Variants in KATNAL2 observed in about 807,000 individuals in gnomAD.
KATNAL2 encodes the protein katanin p60 ATPase-containing subunit A-like 2.
In KATNAL2, 52 loss-of-function variants were observed where a neutral mutation model predicts 76.3. The ratio of observed to expected loss-of-function variants is 0.68; its 90% CI spans 0.55 to 0.86. The LOEUF is 0.86. Among genes scored for constraint, KATNAL2 ranks in the 40% least tolerant of loss-of-function variants. KATNAL2 has a pLI of 0.00. For synonymous variants in KATNAL2, 243 were observed against 244.2 expected (o/e 1.00, Z 0.05); for missense variants, 660 against 668.9 (o/e 0.99, Z 0.15).
chr18:47,079,539 C>A (rs1018100030), intron 15 of KATNAL2, among the ~76,000 whole-genome samples: 4 of 151,994 alleles, frequency 2.6e-5, no homozygotes, highest in South Asian at 2.1e-4. Flanking sequence ...GGACTACAGG[C>A]GCCTGCCACC....
chr18:47,046,509 A>G lies in KATNAL2; in HGVS notation c.104A>G (p.His35Arg). ...RRKNLLILISHYLTQEGYIDT... is the reference protein window; with the variant it reads ...RRKNLLILISRYLTQEGYIDT... ...AAAAATCTTCTCATTTTGATTTCGC[A>G]TTATTTAACACAAGAAGGGTATGTT... Residue 35 changes from histidine (H) to arginine (R), a missense_variant, in exon 4 of 18, where the codon CAT becomes CGT. By Grantham distance (29) the His-to-Arg change is conservative. Coordinates refer to ENST00000683218, the MANE Select transcript of KATNAL2 (RefSeq NM_001387690.1). 8 of 1,535,396 alleles carry G rather than the reference A, an allele frequency of 5.2e-6. No individual in the cohort carries two copies. Among genetic ancestry groups the G allele is most frequent in the Non-Finnish European group, 7.0e-6 (8 of 1,146,270 alleles).
At chr18:47,053,123 T>C in intron 5 of KATNAL2, 77 bp downstream of exon 5, 1 of 1,243,338 alleles carries the variant, frequency 8.0e-7, no homozygotes, top group Non-Finnish European at 1.1e-6. Context: ...TATTCCCAGA[T>C]AGATGGAGAC....
chr18:47,033,774 G>A, intron 3 of KATNAL2: 1 of 1,614,218 alleles, frequency 6.2e-7, no homozygotes, highest in Non-Finnish European at 8.5e-7. Context: ...CTTCCTCCCG[G>A]AACTTTGGTG....
intron 8 of KATNAL2, among the ~76,000 whole-genome samples, chr18:47,061,598 C>G (rs992860952): frequency 1.3e-5 from 2 of 152,180 alleles, no homozygotes; most frequent in African/African-American, 4.8e-5. Flanking sequence ...AGGACACCCT[C>G]CCTGCAAATT....
intron 7 of KATNAL2, among the ~76,000 whole-genome samples, chr18:47,058,807 C>T (rs1444754488): frequency 6.6e-6 from 1 of 152,154 alleles, no homozygotes; most frequent in East Asian, 1.9e-4. Flanking sequence ...GTCTCAAGGT[C>T]TCCTGTTGGG....
At chr18:47,082,233 A>C (rs1354908760) in intron 15 of KATNAL2, among the ~76,000 whole-genome samples, 3 of 152,210 alleles carry the variant, frequency 2.0e-5, no homozygotes, top group South Asian at 4.1e-4. Context: ...AGGCCAGATA[A>C]TTCTTTGTGG....
intron 15 of KATNAL2, among the ~76,000 whole-genome samples, chr18:47,078,877 G>T (rs145508537): frequency 6.6e-6 from 1 of 152,302 alleles, no homozygotes; most frequent in Non-Finnish European, 1.5e-5. Flanking sequence ...CCAAAAATTT[G>T]CTTCTCAATG....
intron 15 of KATNAL2, chr18:47,098,495 A>G (rs1440572082): frequency 6.2e-6 from 1 of 160,540 alleles, no homozygotes; most frequent in Non-Finnish European, 1.4e-5. Flanking sequence ...TCACGATTCA[A>G]ATTATCTCCT....
At chr18:47,034,095 A>G in intron 3 of KATNAL2, 1 of 1,614,152 alleles carries the variant, frequency 6.2e-7, no homozygotes, top group Non-Finnish European at 8.5e-7. Flanking sequence ...TCCGCAACTG[A>G]TCGTAGGTGA....
intron 13 of KATNAL2, among the ~76,000 whole-genome samples, chr18:47,071,241 C>T (rs2087788507): frequency 6.6e-6 from 1 of 152,154 alleles, no homozygotes; most frequent in African/African-American, 2.4e-5. Context: ...CTCAAGCAAT[C>T]CTCCCGCCTC....
At chr18:47,034,656 G>A (rs1240548288) in intron 3 of KATNAL2, 4 of 1,613,696 alleles carry the variant, frequency 2.5e-6, no homozygotes, top group East Asian at 2.2e-5. Flanking sequence ...GCAGAGGCCC[G>A]CCCTGAGCCG....
chr18:46,942,085 G>A (rs941534224), intron 1 of KATNAL2, among the ~76,000 whole-genome samples: 5 of 152,136 alleles, frequency 3.3e-5, no homozygotes, highest in African/African-American at 1.2e-4. Context: ...GGTGGAGTAG[G>A]TAATCGAAAA....
At chr18:46,953,684 C>T (rs1205888137) in intron 3 of KATNAL2, among the ~76,000 whole-genome samples, 2 of 151,884 alleles carry the variant, frequency 1.3e-5, no homozygotes, top group Admixed American at 1.3e-4. Context: ...TTGGGACCGG[C>T]AGGTTGAGGC....
At chr18:47,069,045 G>C (rs1327372034) in intron 11 of KATNAL2, among the ~76,000 whole-genome samples, 175 bp from the exon 12 acceptor site, 1 of 152,112 alleles carries the variant, frequency 6.6e-6, no homozygotes, top group Non-Finnish European at 1.5e-5. Context: ...AAATAAAATT[G>C]GGATGAATAA....
At chr18:46,920,992 T>G (rs1198849290) in intron 1 of KATNAL2, among the ~76,000 whole-genome samples, 1 of 152,234 alleles carries the variant, frequency 6.6e-6, no homozygotes, top group Non-Finnish European at 1.5e-5. Context: ...GGTAAAATGT[T>G]TTAGTGCTCT....
intron 3 of KATNAL2, chr18:47,035,138 T>A: frequency 6.2e-7 from 1 of 1,611,844 alleles, no homozygotes; most frequent in South Asian, 1.1e-5. Flanking sequence ...TCCGCCAGGA[T>A]GTCTGCCGTC....
intron 16 of KATNAL2, 121 bp downstream of exon 16, chr18:47,099,526 C>T: frequency 2.3e-6 from 2 of 886,502 alleles, no homozygotes; most frequent in Non-Finnish European, 3.3e-6. Flanking sequence ...TCCAAGCTGC[C>T]CCCGTAATGC....
In KATNAL2 at chr18:46,957,557, T is replaced by C. The variant is rs1203945375; in HGVS notation, c.51+10634T>C. Among the ~76,000 whole-genome samples, 384 of 128,600 alleles carry C rather than the reference T, an allele frequency of 3.0e-3. 21 individuals are homozygous for C. The highest frequency in any genetic ancestry group is 0.011 in the African/African-American group (357 of 33,666). The allele number at this position is 128,600 out of a possible 152,430, so 84.4% of individuals were successfully genotyped here. ...GCGTGAACCACCGCGCCTGGCCTTT[T>C]TTTTTTTTTTTTTTTTTTTTTTGAG... On this transcript the variant is annotated intron_variant, in intron 3 of 17. Transcript: ENST00000683218.
intron 15 of KATNAL2, among the ~76,000 whole-genome samples, chr18:47,094,684 T>C (rs1255692053): frequency 6.6e-6 from 1 of 152,210 alleles, no homozygotes; most frequent in African/African-American, 2.4e-5. Flanking sequence ...GTCTTTCTCT[T>C]TGGCTGGTCA....
Sources: allele counts gnomAD v4.1 joint callset (sites outside exome capture counted in the v4.1 genomes callset), GRCh38; gene constraint gnomAD v4.1.1; transcripts MANE v1.5; gene names NCBI Gene and HGNC (gene_info 2026-07-23, HGNC 2026-07-21).